Variants in TAF5L observed in about 807,000 individuals in gnomAD.
The protein encoded by TAF5L is TAF5-like RNA polymerase II p300/CBP-associated factor-associated factor 65 kDa subunit 5L.
TAF5L carries 7 observed loss-of-function variants against 51.3 expected under a neutral mutation model. That is an observed-to-expected ratio of 0.14 (90% CI 0.08 to 0.26). The LOEUF (loss-of-function observed/expected upper bound fraction) is 0.26, where lower values mean the gene tolerates loss of function less well. Ranked by LOEUF, TAF5L falls within the 10% of genes least tolerant of loss-of-function variation. The pLI is 1.00. For missense variants in TAF5L, 575 were observed against 758.9 expected, an observed-to-expected ratio of 0.76 and a Z score of 2.85; for synonymous variants, 291 against 308.1, an observed-to-expected ratio of 0.94 and a Z score of 0.58.
chr1:229,603,452 G>T (rs1000166517), intron 3 of TAF5L, among the ~76,000 whole-genome samples: 2 of 152,168 alleles, frequency 1.3e-5, no homozygotes, highest in East Asian at 3.8e-4. Flanking sequence ...TTTGTGTTTT[G>T]TGATTACTTT....
intron 2 of TAF5L, chr1:229,614,044 G>C: frequency 3.3e-6 from 2 of 605,718 alleles, no homozygotes; most frequent in South Asian, 2.0e-5. Flanking sequence ...GTTTACAGAA[G>C]GAAAAAGTTG....
At chr1:229,615,871 C>A (rs1048937970) in intron 1 of TAF5L, among the ~76,000 whole-genome samples, 1 of 152,210 alleles carries the variant, frequency 6.6e-6, no homozygotes, top group Non-Finnish European at 1.5e-5. Context: ...ATCATCCCAA[C>A]CAAAGTAACA....
intron 4 of TAF5L, among the ~76,000 whole-genome samples, chr1:229,598,124 T>C (rs554390981): frequency 6.6e-6 from 1 of 152,322 alleles, no homozygotes; most frequent in East Asian, 1.9e-4. Context: ...AAAAGTTGGA[T>C]ACTGGCTAGC....
chr1:229,610,983 T>C (rs1475319892), intron 2 of TAF5L, among the ~76,000 whole-genome samples: 2 of 152,334 alleles, frequency 1.3e-5, no homozygotes, highest in African/African-American at 2.4e-5. Flanking sequence ...TTATGAGATA[T>C]GTTTCTTCTA....
intron 4 of TAF5L, among the ~76,000 whole-genome samples, chr1:229,595,934 GA>G (rs2102735770): frequency 6.6e-6 from 1 of 152,278 alleles, no homozygotes; most frequent in South Asian, 2.1e-4. Flanking sequence ...CAAAGTGCTG[GA>G]ATTATAGGCA....
chr1:229,605,108 G>GTATGTGTATGTATA (rs1553270421), intron 3 of TAF5L, among the ~76,000 whole-genome samples: 1 of 118,622 alleles, frequency 8.4e-6, no homozygotes, highest in African/African-American at 2.9e-5. Flanking sequence ...ATTTTTGTAT[G>GTATGTGTATGTATA]TATATATATA....
chr1:229,594,813 C>T lies in TAF5L; in HGVS notation c.1254G>A (p.Pro418=), dbSNP rs764638900. ...CCAGGTGTCCTGCATATATCCTCAG[C>T]GGGTACGTCCGATCAAATGACCACA... The change falls in exon 5 of 5, where the codon CCG becomes CCA. Residue 418 remains proline (P), a synonymous_variant. Coordinates refer to ENST00000258281, the Ensembl canonical transcript of TAF5L. The surrounding 1 kb of genome is among the most constrained non-coding windows in gnomAD (Gnocchi z 7.9). 1.2e-5 allele frequency: 19 copies of T among 1,614,182 alleles called. No individual in the cohort carries two copies. Among genetic ancestry groups the T allele is most frequent in the Admixed American group, 5.0e-5 (3 of 60,018 alleles).
chr1:229,621,136 G>A (rs1665187480), intron 1 of TAF5L, among the ~76,000 whole-genome samples: 1 of 152,178 alleles, frequency 6.6e-6, no homozygotes, highest in Admixed American at 6.5e-5. Flanking sequence ...AATATGACTA[G>A]TGCAACTAAG....
chr1:229,615,665 C>T (rs985274064), intron 1 of TAF5L, among the ~76,000 whole-genome samples: 3 of 151,282 alleles, frequency 2.0e-5, no homozygotes, highest in African/African-American at 7.3e-5. Context: ...AGTTTATTAT[C>T]AACAATGACA....
In TAF5L at chr1:229,610,311, C is replaced by T. The variant is rs79137245; in HGVS notation, c.143-101G>A. ...TGAAGGAGGGTGTTGTGCACACACG[C>T]ACAGCAACTGACATTTCAGCAGGTT... On this transcript the variant is annotated intron_variant, in intron 2 of 4. Coordinates refer to ENST00000258281, the Ensembl canonical transcript of TAF5L. The T allele has an allele frequency of 5.8e-6, 6 of 1,041,410 alleles. No homozygotes were observed. The East Asian group carries it at 1.3e-4, about 22-fold the overall frequency. The allele number at this position is 1,041,410 out of a possible 1,614,324, so 64.5% of individuals were successfully genotyped here.
intron 4 of TAF5L, chr1:229,600,534 G>A (rs1289780247): frequency 4.1e-6 from 4 of 985,422 alleles, no homozygotes. Context: ...GAATAACCGA[G>A]CTCTTCTCTA....
At chr1:229,607,552 G>C in intron 3 of TAF5L, 3 of 899,484 alleles carry the variant, frequency 3.3e-6, no homozygotes, top group Non-Finnish European at 4.0e-6. Context: ...TTCAAGTGCT[G>C]ACTTAAAGCC....
intron 3 of TAF5L, among the ~76,000 whole-genome samples, chr1:229,609,674 A>G (rs937120040): frequency 2.0e-5 from 3 of 152,230 alleles, no homozygotes; most frequent in African/African-American, 7.2e-5. Context: ...GAAATGTACT[A>G]TATTATTAGT....
intron 3 of TAF5L, among the ~76,000 whole-genome samples, chr1:229,605,111 T>C (rs112173822): frequency 8.3e-5 from 8 of 95,904 alleles, no homozygotes; most frequent in Admixed American, 1.9e-4. Flanking sequence ...TTTGTATGTA[T>C]ATATATATAT....
chr1:229,607,436 G>A (rs530289840), intron 3 of TAF5L: 3 of 985,404 alleles, frequency 3.0e-6, no homozygotes, highest in South Asian at 4.7e-5. Flanking sequence ...CAAAGCCTTA[G>A]TTGTTCCTGT....
At chr1:229,616,416 G>A (rs1571851374) in intron 1 of TAF5L, among the ~76,000 whole-genome samples, 1 of 151,066 alleles carries the variant, frequency 6.6e-6, no homozygotes, top group Non-Finnish European at 1.5e-5. Flanking sequence ...ATGTTGTCCA[G>A]GGTGGTCTCA....
At chr1:229,612,333 G>A (rs1364019948) in intron 2 of TAF5L, among the ~76,000 whole-genome samples, 5 of 152,114 alleles carry the variant, frequency 3.3e-5, no homozygotes, top group Non-Finnish European at 2.9e-5. Flanking sequence ...GTTTAATATT[G>A]TTCATTCCTA....
chr1:229,615,289 G>GT (rs1225648606), intron 1 of TAF5L, among the ~76,000 whole-genome samples: 1 of 152,008 alleles, frequency 6.6e-6, no homozygotes, highest in Non-Finnish European at 1.5e-5. Context: ...GGGTTTCACC[G>GT]TGTTAGCCAG....
intron 3 of TAF5L, 22 bp downstream of exon 3, chr1:229,610,084 G>T (rs186607699): frequency 6.2e-7 from 1 of 1,608,274 alleles, no homozygotes; most frequent in East Asian, 2.2e-5. Flanking sequence ...AAAAAGAAAA[G>T]GTTCTAGAGC....
Sources: gnomAD v4.1 joint callset for allele counts (sites outside exome capture counted in the v4.1 genomes callset) on GRCh38, gnomAD v4.1.1 for gene constraint, Gnocchi (gnomAD v3.1) non-coding constraint, MANE v1.5 for transcripts, NCBI Gene and HGNC (gene_info 2026-07-23, HGNC 2026-07-21) for gene names.